SASH1: variants seen among roughly 807,000 people sequenced by gnomAD.
SASH1 encodes the protein SAM and SH3 domain containing 1.
In SASH1, 44 loss-of-function variants were observed where a neutral mutation model predicts 125.2. That is an observed-to-expected ratio of 0.35 (90% CI 0.28 to 0.45). The LOEUF (loss-of-function observed/expected upper bound fraction) is 0.45. Among genes scored for constraint, SASH1 ranks in the 20% least tolerant of loss-of-function variants. The probability of loss-of-function intolerance (pLI) is 1.00; values close to 1 mark genes in which losing one functional copy is unlikely to be tolerated. For synonymous variants in SASH1, 639 were observed against 649.1 expected (o/e 0.98, Z 0.24); for missense variants, 1,426 against 1,614.5 (o/e 0.88, Z 2.00).
intron 1 of SASH1, among the ~76,000 whole-genome samples, chr6:148,351,963 A>G (rs1191379083): frequency 6.6e-6 from 1 of 152,160 alleles, no homozygotes; most frequent in South Asian, 2.1e-4. Flanking sequence ...GAAATAAACC[A>G]TTAACAACTT....
At chr6:148,467,394 G>A (rs1777894545) in intron 4 of SASH1, among the ~76,000 whole-genome samples, 1 of 151,860 alleles carries the variant, frequency 6.6e-6, no homozygotes, top group Non-Finnish European at 1.5e-5. Flanking sequence ...TGGCTTTCCC[G>A]CTTTCTTTCT....
At chr6:148,365,412 C>CT (rs11380415) in intron 1 of SASH1, among the ~76,000 whole-genome samples, 55,389 of 144,372 alleles carry the variant, frequency 0.38, 10,709 homozygotes, top group African/African-American at 0.45. Context: ...CTTTTACTAT[C>CT]TTTTTTTTTT....
intron 17 of SASH1, among the ~76,000 whole-genome samples, chr6:148,541,937 C>T (rs904547573): frequency 6.6e-6 from 1 of 152,194 alleles, no homozygotes; most frequent in Admixed American, 6.5e-5. Context: ...CACCTAGTAT[C>T]CCAGTACATC....
chr6:148,328,240 T>G (rs970121141), intron 1 of SASH1, among the ~76,000 whole-genome samples: 3 of 152,184 alleles, frequency 2.0e-5, no homozygotes, highest in African/African-American at 7.2e-5. Flanking sequence ...AAAATTACTT[T>G]CTTATGTAGG....
Position 148,532,864 on chromosome 6 carries a change from G to A in SASH1, c.1632G>A (p.Gly544=). The stretch of plus-strand genomic sequence containing the variant: ...GGGAAAGCGTCAAGTCGGAAGATGG[G>A]GATGACGAAGAGCCGCCTTACCGAG... ...SNRESVKSED[G]DDEEPPYRGP... is the part of the protein sequence containing the mutation. The change falls in exon 14 of 20, where the codon GGG becomes GGA. Residue 544 remains glycine (G), a synonymous_variant. Coordinates refer to ENST00000367467, the MANE Select transcript of SASH1 (RefSeq NM_015278.5). The surrounding 1 kb of genome is among the most constrained non-coding windows in gnomAD (Gnocchi z 4.7). The A allele has an allele frequency of 6.2e-7, 1 of 1,614,236 alleles. No individual in the cohort carries two copies. Among genetic ancestry groups the A allele is most frequent in the South Asian group, 1.1e-5 (1 of 91,088 alleles).
At chr6:148,378,051 CA>C (rs1368938840) in intron 1 of SASH1, among the ~76,000 whole-genome samples, 1 of 143,056 alleles carries the variant, frequency 7.0e-6, no homozygotes, top group African/African-American at 2.6e-5. Context: ...CTGTCACCCA[CA>C]ATTTTTTTTT....
rs116836704 is a variant in SASH1, at chr6:148,502,415, A to G, written c.730-11909A>G. On this transcript the variant is annotated intron_variant, in intron 8 of 19. Transcript: ENST00000367467. ...TCTACTGTTACTTCTAGCAACTCAT[A>G]AACACACTTTCAAGTAACTCTAACT... 2.8e-3 allele frequency among the ~76,000 whole-genome samples: 433 copies of G among 152,344 alleles called. 4 individuals are homozygous for G. Among genetic ancestry groups the G allele is most frequent in the African/African-American group, 1.0e-2 (414 of 41,578 alleles).
chr6:148,299,728 TA>T (rs1408517655), intron 1 of SASH1, among the ~76,000 whole-genome samples: 2 of 149,702 alleles, frequency 1.3e-5, no homozygotes, highest in African/African-American at 5.0e-5. Flanking sequence ...GAAAATGATA[TA>T]AACATAAGAA....
chr6:148,359,988 G>A (rs1782126222), intron 1 of SASH1, among the ~76,000 whole-genome samples: 1 of 152,154 alleles, frequency 6.6e-6, no homozygotes, highest in Admixed American at 6.5e-5. Context: ...TTGATCTCCT[G>A]ACCTTGTGAT....
intron 1 of SASH1, among the ~76,000 whole-genome samples, chr6:148,331,524 T>C (rs931756174): frequency 1.3e-5 from 2 of 151,686 alleles, no homozygotes; most frequent in Non-Finnish European, 2.9e-5. Context: ...AGAGACAGGG[T>C]TTCATCATGT....
intron 1 of SASH1, among the ~76,000 whole-genome samples, chr6:148,307,048 CTTTCTT>C (rs1189139513): frequency 1.7e-5 from 2 of 120,440 alleles, no homozygotes; most frequent in Admixed American, 1.8e-4. Flanking sequence ...TTCTTTCTTT[CTTTCTT>C]TCTTTCTTTC....
chr6:148,456,614 A>T (rs937964741), intron 4 of SASH1, among the ~76,000 whole-genome samples: 1 of 152,186 alleles, frequency 6.6e-6, no homozygotes, highest in Non-Finnish European at 1.5e-5. Context: ...TAATCCAAGG[A>T]CTTTGGGAGG....
intron 1 of SASH1, among the ~76,000 whole-genome samples, chr6:148,331,062 AAT>A: frequency 6.6e-6 from 1 of 152,264 alleles, no homozygotes; most frequent in East Asian, 1.9e-4. Flanking sequence ...GAAGTAACTC[AAT>A]GGTGAGTTGA....
chr6:148,428,047 C>T (rs1775901391), intron 2 of SASH1, among the ~76,000 whole-genome samples: 1 of 152,180 alleles, frequency 6.6e-6, no homozygotes, highest in Non-Finnish European at 1.5e-5. Flanking sequence ...AGCCATTTTC[C>T]TATGGCTACC....
At chr6:148,431,819 A>G (rs1350386609) in intron 2 of SASH1, among the ~76,000 whole-genome samples, 1 of 152,054 alleles carries the variant, frequency 6.6e-6, no homozygotes, top group Non-Finnish European at 1.5e-5. Context: ...TTCAATAAAA[A>G]TAAAGACGTG....
At chr6:148,366,496 T>C (rs1481329229) in intron 1 of SASH1, among the ~76,000 whole-genome samples, 1 of 152,178 alleles carries the variant, frequency 6.6e-6, no homozygotes, top group Admixed American at 6.5e-5. Flanking sequence ...GGTGTCTGAC[T>C]TGCAATGTCT....
intron 8 of SASH1, among the ~76,000 whole-genome samples, chr6:148,512,051 C>G (rs1000250127): frequency 4.6e-5 from 6 of 130,556 alleles, no homozygotes; most frequent in Admixed American, 3.8e-4. Context: ...CAGAGTCTCG[C>G]TCTGTCGCCC....
the SASH1 span, among the ~76,000 whole-genome samples, chr6:148,265,401 A>T: frequency 3.9e-5 from 6 of 152,208 alleles, no homozygotes; most frequent in South Asian, 6.2e-4. Flanking sequence ...AATATATTGG[A>T]TGGATAAAGA....
At chr6:148,351,951 G>A (rs576238767) in intron 1 of SASH1, among the ~76,000 whole-genome samples, 18 of 152,040 alleles carry the variant, frequency 1.2e-4, no homozygotes, top group Admixed American at 2.0e-4. Context: ...GACCTCCTTT[G>A]TGAAATAAAC....
Sources: gnomAD v4.1 joint callset for allele counts (sites outside exome capture counted in the v4.1 genomes callset) on GRCh38, gnomAD v4.1.1 for gene constraint, Gnocchi (gnomAD v3.1) non-coding constraint, MANE v1.5 for transcripts, NCBI Gene and HGNC (gene_info 2026-07-23, HGNC 2026-07-21) for gene names.